Variants in SLC7A11 observed in about 807,000 individuals in gnomAD.
SLC7A11 encodes solute carrier family 7 member 11, also known as cystine/glutamate transporter.
A neutral mutation model predicts 54.5 loss-of-function variants in SLC7A11; 35 were observed. The observed-to-expected ratio is 0.64, with a 90% CI of 0.49 to 0.85. The LOEUF (loss-of-function observed/expected upper bound fraction) is 0.85. SLC7A11 is among the 40% of genes least tolerant of loss of function. The probability of loss-of-function intolerance (pLI) is 0.00; values close to 1 mark genes in which losing one functional copy is unlikely to be tolerated. For missense variants in SLC7A11, 583 were observed against 618.1 expected (o/e 0.94, Z 0.60); for synonymous variants, 230 against 225.2 (o/e 1.02, Z -0.19).
chr4:138,205,935 A>C (rs1295230007), intron 6 of SLC7A11, among the ~76,000 whole-genome samples: 1 of 151,968 alleles, frequency 6.6e-6, no homozygotes, highest in African/African-American at 2.4e-5. Context: ...AAAATATTTG[A>C]CCCATCTTTT....
intron 6 of SLC7A11, among the ~76,000 whole-genome samples, chr4:138,206,400 T>TAG (rs1553943792): frequency 8.2e-4 from 123 of 150,394 alleles, no homozygotes; most frequent in African/African-American, 2.9e-3. Context: ...TATATATATA[T>TAG]AGCCTCAAAA....
At chr4:138,228,486 C>T (rs1445608722) in intron 3 of SLC7A11, among the ~76,000 whole-genome samples, 1 of 151,956 alleles carries the variant, frequency 6.6e-6, no homozygotes, top group Non-Finnish European at 1.5e-5. Context: ...AGGTCGGGCG[C>T]GATGGCTCAT....
rs774939021 is a variant in SLC7A11, at chr4:138,201,449, AT to A, written c.791+13135del. Among the ~76,000 whole-genome samples, 93 of 152,266 alleles carry A rather than the reference AT, an allele frequency of 6.1e-4. 2 individuals are homozygous for A. The highest frequency in any genetic ancestry group is 1.0e-3 in the South Asian group (5 of 4,826). On this transcript the variant is annotated intron_variant, in intron 6 of 11. Coordinates refer to ENST00000280612, the MANE Select transcript of SLC7A11 (RefSeq NM_014331.4). Reference sequence around the variant, plus strand: ...ACTAAATAGCCAGGAAAACCATGTGATTTAAAAAACTATGAGCCTGTCTCCT... The same window carrying A: ...ACTAAATAGCCAGGAAAACCATGTGATTAAAAAACTATGAGCCTGTCTCCT...
chr4:138,239,677 AT>A lies in SLC7A11; in HGVS notation c.277+2115del, dbSNP rs553684288. 8.4e-3 allele frequency among the ~76,000 whole-genome samples: 1,265 copies of A among 150,832 alleles called. 7 individuals carry two copies. The highest frequency in any genetic ancestry group is 0.013 in the Non-Finnish European group (883 of 67,662). Reference sequence around the variant, plus strand: ...TCTCCTTAGCTGTTTCTCTCTTTTTATTTTTTTTTGAGCTTTTGCTTCAGAT... The same window carrying A: ...TCTCCTTAGCTGTTTCTCTCTTTTTATTTTTTTTGAGCTTTTGCTTCAGAT... On this transcript the variant is annotated intron_variant, in intron 1 of 11. Coordinates refer to ENST00000280612, the MANE Select transcript of SLC7A11 (RefSeq NM_014331.4).
At position 138,171,704 on chromosome 4, in the gene SLC7A11, T is replaced by C. The variant is rs902668949; in HGVS notation, c.*252A>G. The C allele has an allele frequency of 4.4e-4, 183 of 411,578 alleles. No homozygotes were observed. Among genetic ancestry groups the C allele is most frequent in the Non-Finnish European group, 1.4e-4 (33 of 234,948 alleles). 25.5% of individuals were successfully genotyped at this position (411,578 alleles called of 1,614,324 possible). ...GTCTAGTCTTTTCTCCTAACCCCAA[T>C]AGGTAGGTATCAGAGACTCAAGAAT... On this transcript the variant is annotated 3_prime_UTR_variant, in exon 12 of 12. Transcript: ENST00000280612.
chr4:138,206,822 G>A (rs1429138088), intron 6 of SLC7A11, among the ~76,000 whole-genome samples: 2 of 151,920 alleles, frequency 1.3e-5, no homozygotes, highest in Non-Finnish European at 2.9e-5. Flanking sequence ...AAGCAAGGAA[G>A]AGCAATTTGG....
intron 6 of SLC7A11, among the ~76,000 whole-genome samples, chr4:138,199,007 G>T (rs1400387053): frequency 6.6e-6 from 1 of 152,132 alleles, no homozygotes; most frequent in African/African-American, 2.4e-5. Context: ...AAATGGCAGG[G>T]CACACTTGGA....
intron 11 of SLC7A11, among the ~76,000 whole-genome samples, 163 bp from the exon 12 acceptor site, chr4:138,172,180 A>G (rs1736443241): frequency 6.6e-6 from 1 of 152,236 alleles, no homozygotes; most frequent in South Asian, 2.1e-4. Context: ...ATCATGCTCA[A>G]TTAATTTATT....
Position 138,172,026 on chromosome 4 carries a change from A to C in SLC7A11, c.1445-9T>G, listed in dbSNP as rs201262791. 2.0e-5 allele frequency: 31 copies of C among 1,575,990 alleles called. No individual in the cohort carries two copies. In the African/African-American group the frequency reaches 4.1e-4, roughly 21 times the overall value. ...TGTTCTGGTTATTTTCTCTACAAAG[A>C]AATAAAAATGAATTAAAAATGCATG... On this transcript the variant is annotated splice_polypyrimidine_tract_variant and intron_variant, in intron 11 of 11. Coordinates refer to ENST00000280612, the MANE Select transcript of SLC7A11 (RefSeq NM_014331.4).
At chr4:138,195,492 C>T (rs181168122) in intron 6 of SLC7A11, among the ~76,000 whole-genome samples, 10 of 152,160 alleles carry the variant, frequency 6.6e-5, no homozygotes, top group Middle Eastern at 3.4e-3. Flanking sequence ...CATCCTCTCA[C>T]GGAATCTAAA....
chr4:138,234,749 T>A (rs887407621), intron 2 of SLC7A11, among the ~76,000 whole-genome samples: 11 of 152,200 alleles, frequency 7.2e-5, no homozygotes, highest in African/African-American at 2.7e-4. Context: ...TTATATGGAA[T>A]GATCATGTTC....
At position 138,166,916 on chromosome 4, in the gene SLC7A11, T is replaced by C. The variant is rs1179618048; in HGVS notation, c.*5040A>G. 2.6e-5 allele frequency: 4 copies of C among 152,166 alleles called. No homozygotes were observed. The highest frequency in any genetic ancestry group is 7.2e-5 in the African/African-American group (3 of 41,442). The allele number at this position is 152,166 out of a possible 1,614,324, so 9.4% of individuals were successfully genotyped here. ...GAAAGGACAGTTATCTCACGACATA[T>C]GGAAAATTGGTGAATTTCCTGTGAG... On this transcript the variant is annotated 3_prime_UTR_variant, in exon 12 of 12. Transcript: ENST00000280612.
chr4:138,192,635 T>C (rs1737038738), intron 6 of SLC7A11, among the ~76,000 whole-genome samples: 1 of 152,140 alleles, frequency 6.6e-6, no homozygotes, highest in Non-Finnish European at 1.5e-5. Flanking sequence ...TGGGTCCTCA[T>C]TAAATTTTAT....
intron 6 of SLC7A11, among the ~76,000 whole-genome samples, chr4:138,189,446 G>A (rs1736957025): frequency 6.6e-6 from 1 of 152,086 alleles, no homozygotes; most frequent in Non-Finnish European, 1.5e-5. Context: ...GGGAGGGCTG[G>A]AACCAGAACC....
At chr4:138,173,671 CTG>C (rs1736494743) in intron 11 of SLC7A11, among the ~76,000 whole-genome samples, 2 of 151,470 alleles carry the variant, frequency 1.3e-5, no homozygotes, top group Non-Finnish European at 2.9e-5. Flanking sequence ...TCCTTTTCTT[CTG>C]TGTTTGTCAA....
intron 6 of SLC7A11, among the ~76,000 whole-genome samples, chr4:138,213,779 C>A (rs1479055225): frequency 6.6e-6 from 1 of 152,064 alleles, no homozygotes; most frequent in Non-Finnish European, 1.5e-5. Flanking sequence ...TACTTCAAGA[C>A]AAGTCTTATG....
At chr4:138,241,214 G>A (rs13138630) in intron 1 of SLC7A11, among the ~76,000 whole-genome samples, 19,631 of 152,196 alleles carry the variant, frequency 0.13, 1,481 homozygotes, top group East Asian at 0.24. Flanking sequence ...ACCCCATTAT[G>A]ATAGGGATTG....
chr4:138,237,713 ATATATATATATATATATATATATATT>A (rs1377388235), intron 1 of SLC7A11, among the ~76,000 whole-genome samples: 139 of 5,710 alleles, frequency 0.024, 4 homozygotes, highest in African/African-American at 0.072. Context: ...ATATATATAT[ATATATATATATATATATATATATATT>A]TTTTTTTTTT....
intron 8 of SLC7A11, 146 bp downstream of exon 8, chr4:138,183,056 G>T (rs752748232): frequency 2.2e-5 from 14 of 622,366 alleles, no homozygotes; most frequent in Non-Finnish European, 3.8e-5. Context: ...ACGTGCTGTT[G>T]ATACTTGGAC....
Sources: allele counts gnomAD v4.1 joint callset (sites outside exome capture counted in the v4.1 genomes callset), GRCh38; gene constraint gnomAD v4.1.1; transcripts MANE v1.5; gene names NCBI Gene and HGNC (gene_info 2026-07-23, HGNC 2026-07-21).